DACH2: variants seen among roughly 807,000 people sequenced by gnomAD.
DACH2 encodes dachshund family transcription factor 2, also known as dachshund homolog 2.
Under a neutral mutation model 35.8 loss-of-function variants are expected in DACH2, and 17 were observed. The observed-to-expected ratio is 0.48, with a 90% confidence interval of 0.33 to 0.71. The LOEUF (loss-of-function observed/expected upper bound fraction) is 0.71, where lower values mean the gene tolerates loss of function less well. DACH2 is among the 30% of genes least tolerant of loss of function. DACH2 has a pLI of 0.02. For missense variants in DACH2, 469 were observed against 472.7 expected, an observed-to-expected ratio of 0.99 and a Z score of 0.07; for synonymous variants, 195 against 177.3, an observed-to-expected ratio of 1.10 and a Z score of -0.79.
chrX:86,148,603 G>T lies in DACH2; in HGVS notation c.-18G>T, dbSNP rs1236115656. ...AGAAAGCGAGGGCCGGAGGACCCAC[G>T]ATAGAGACAGAGTGACCATGGCTGT... On this transcript the variant is annotated 5_prime_UTR_variant, in exon 1 of 12. Transcript: ENST00000373125. 1.7e-6 allele frequency: 2 copies of T among 1,145,822 alleles called. No homozygotes were observed. Among genetic ancestry groups the T allele is most frequent in the Admixed American group, 2.7e-5 (1 of 36,861 alleles). 94.4% of individuals were successfully genotyped at this position (1,145,822 alleles called of 1,213,427 possible). A position where few individuals can be genotyped will look rare whatever the true frequency, so the allele number is the denominator to read the frequency against.
intron 1 of DACH2, among the ~76,000 whole-genome samples, chrX:86,222,951 T>TA (rs1229024607): frequency 7.2e-5 from 8 of 110,953 alleles, no homozygotes; most frequent in African/African-American, 2.6e-4. Flanking sequence ...AAATGTACAA[T>TA]AAAAAGGAGT....
intron 3 of DACH2, among the ~76,000 whole-genome samples, chrX:86,634,998 T>C (rs1219060353): frequency 9.0e-6 from 1 of 111,138 alleles, no homozygotes; most frequent in Non-Finnish European, 1.9e-5. Flanking sequence ...AAGGAGGGAC[T>C]CCTCCCTAAC....
chrX:86,542,977 AAGGGGGGCCTTCTCTAAGG>A (rs2038906828), intron 3 of DACH2, among the ~76,000 whole-genome samples: 1 of 112,344 alleles, frequency 8.9e-6, no homozygotes, highest in South Asian at 3.7e-4. Context: ...CTGGAGGGCC[AAGGGGGGCCTTCTCTAAGG>A]AAAGGACATT....
chrX:86,674,529 A>T lies in DACH2; in HGVS notation c.773-20492A>T, dbSNP rs937848733. The stretch of plus-strand genomic sequence containing the variant: ...ACAGCTGAATGGCCAAAAGAGCAGA[A>T]TAGAATCATATTCAATGGAAATTTT... On this transcript the variant is annotated intron_variant, in intron 4 of 11. Transcript: ENST00000373125. Among the ~76,000 whole-genome samples the T allele has an allele frequency of 6.2e-5, 7 of 112,493 alleles. No homozygotes were observed. The Admixed American group carries it at 6.6e-4, about 11-fold the overall frequency.
intron 2 of DACH2, among the ~76,000 whole-genome samples, chrX:86,391,702 A>C (rs1011943093): frequency 9.0e-6 from 1 of 111,493 alleles, no homozygotes; most frequent in East Asian, 2.8e-4. Flanking sequence ...TTATTGATAC[A>C]TTCCCTACAA....
chrX:86,790,082 C>A (rs7052782), intron 7 of DACH2, among the ~76,000 whole-genome samples: 1 of 110,811 alleles, frequency 9.0e-6, no homozygotes, highest in Non-Finnish European at 1.9e-5. Flanking sequence ...AGTAGCTTTA[C>A]GTTTTATATG....
chrX:86,695,859 T>C (rs1166636804), intron 5 of DACH2, among the ~76,000 whole-genome samples: 1 of 111,134 alleles, frequency 9.0e-6, no homozygotes, highest in Non-Finnish European at 1.9e-5. Flanking sequence ...AGAAGTCACC[T>C]AACCTTTCCA....
At chrX:86,345,677 G>A (rs2035484455) in intron 1 of DACH2, among the ~76,000 whole-genome samples, 1 of 111,767 alleles carries the variant, frequency 8.9e-6, no homozygotes, top group Non-Finnish European at 1.9e-5. Context: ...AACGGACCAT[G>A]CAGCCTCAAG....
At chrX:86,582,762 C>T (rs929009781) in intron 3 of DACH2, among the ~76,000 whole-genome samples, 1 of 110,168 alleles carries the variant, frequency 9.1e-6, no homozygotes, top group Non-Finnish European at 1.9e-5. Flanking sequence ...GATGGATTCA[C>T]TGCTAAAGTC....
chrX:86,608,584 C>A (rs1159709672), intron 3 of DACH2, among the ~76,000 whole-genome samples: 1 of 111,877 alleles, frequency 8.9e-6, no homozygotes, highest in East Asian at 2.8e-4. Context: ...TATCTATTTT[C>A]TTTCTGATTG....
chrX:86,287,748 T>C (rs2034182402), intron 1 of DACH2, among the ~76,000 whole-genome samples: 1 of 112,235 alleles, frequency 8.9e-6, no homozygotes, highest in African/African-American at 3.2e-5. Context: ...ATTATTTCTA[T>C]GTTTTAATTA....
At chrX:86,577,926 C>A (rs185214184) in intron 3 of DACH2, among the ~76,000 whole-genome samples, 1 of 111,813 alleles carries the variant, frequency 8.9e-6, no homozygotes, top group African/African-American at 3.3e-5. Context: ...TATACCTTGA[C>A]CTATTCAAAT....
At chrX:86,786,448 A>G (rs750900566) in intron 7 of DACH2, among the ~76,000 whole-genome samples, 1 of 111,909 alleles carries the variant, frequency 8.9e-6, no homozygotes, top group Non-Finnish European at 1.9e-5. Flanking sequence ...CATGGTTATC[A>G]TCACAATAAG....
At chrX:86,429,495 A>G (rs185581078) in intron 2 of DACH2, among the ~76,000 whole-genome samples, 2 of 111,322 alleles carry the variant, frequency 1.8e-5, no homozygotes, top group African/African-American at 3.3e-5. Flanking sequence ...TAATTCAAAT[A>G]AAACATATTG....
chrX:86,254,020 T>C (rs1346157652), intron 1 of DACH2, among the ~76,000 whole-genome samples: 1 of 112,284 alleles, frequency 8.9e-6, no homozygotes. Flanking sequence ...TTTCTATGGA[T>C]ATTATCAATC....
chrX:86,767,368 G>C (rs990062868), intron 7 of DACH2, among the ~76,000 whole-genome samples: 1 of 111,545 alleles, frequency 9.0e-6, no homozygotes, highest in African/African-American at 3.3e-5. Context: ...TTCCTAGTTT[G>C]AGCATAATAT....
chrX:86,397,589 G>T (rs1239229022), intron 2 of DACH2, among the ~76,000 whole-genome samples: 1 of 111,567 alleles, frequency 9.0e-6, no homozygotes, highest in Non-Finnish European at 1.9e-5. Context: ...TACTGAGAGT[G>T]TTTAGCATGA....
intron 1 of DACH2, among the ~76,000 whole-genome samples, chrX:86,295,119 G>A (rs1026099117): frequency 1.8e-5 from 2 of 111,698 alleles, no homozygotes; most frequent in Non-Finnish European, 3.8e-5. Flanking sequence ...GATATAATCT[G>A]ATGCCCCGTT....
At chrX:86,260,312 T>G (rs2033602355) in intron 1 of DACH2, among the ~76,000 whole-genome samples, 1 of 110,909 alleles carries the variant, frequency 9.0e-6, no homozygotes. Context: ...ATTTTCTTCT[T>G]GAGAAGATCA....
Sources: allele counts gnomAD v4.1 joint callset (sites outside exome capture counted in the v4.1 genomes callset), GRCh38; gene constraint gnomAD v4.1.1; transcripts MANE v1.5; gene names NCBI Gene and HGNC (gene_info 2026-07-23, HGNC 2026-07-21).